Variants in MEP1B observed in about 807,000 individuals in gnomAD.
The protein encoded by MEP1B is meprin A subunit beta.
Under a neutral mutation model 84.6 loss-of-function variants are expected in MEP1B, and 80 were observed. The observed-to-expected ratio is 0.95, with a 90% CI of 0.79 to 1.14. MEP1B has a LOEUF of 1.14. MEP1B is among the 50% of genes most tolerant of loss of function. MEP1B has a pLI of 0.00. For missense variants in MEP1B, 766 were observed against 855.1 expected (o/e 0.90, Z 1.30); for synonymous variants, 273 against 288.1 (o/e 0.95, Z 0.53).
intron 9 of MEP1B, among the ~76,000 whole-genome samples, chr18:32,210,208 A>G (rs553894987): frequency 2.6e-5 from 4 of 152,316 alleles, no homozygotes; most frequent in African/African-American, 9.6e-5. Flanking sequence ...AACTTGCTTT[A>G]TCTTTATAGC....
At chr18:32,209,175 C>A (rs561435272) in intron 9 of MEP1B, among the ~76,000 whole-genome samples, 1 of 152,256 alleles carries the variant, frequency 6.6e-6, no homozygotes, top group African/African-American at 2.4e-5. Flanking sequence ...GGAAACTAAG[C>A]GAATACTTGA....
At chr18:32,210,891 G>C (rs1281021356) in intron 10 of MEP1B, among the ~76,000 whole-genome samples, 175 bp downstream of exon 10, 1 of 152,194 alleles carries the variant, frequency 6.6e-6, no homozygotes, top group Non-Finnish European at 1.5e-5. Context: ...GATTCTTTCT[G>C]AGTGCTCTGT....
Position 32,208,232 on chromosome 18 carries a change from G to A in MEP1B, c.880G>A (p.Gly294Arg). The A allele has an allele frequency of 6.2e-7, 1 of 1,613,852 alleles. No individual in the cohort carries two copies. ...GCAACGGGTTTCACAGGTTCCCAGG[G>A]GGCCAGAGAGTGATCACTCCAACAT... The part of the protein sequence containing the change: ...DWQRVSQVPR[G>R]PESDHSNMGQ... Residue 294 changes from glycine to arginine, a missense_variant, in exon 9 of 15, where the codon GGG becomes AGG. Coordinates refer to ENST00000269202, the MANE Select transcript of MEP1B (RefSeq NM_005925.3).
Position 32,207,358 on chromosome 18 carries a change from T to C in MEP1B, c.654T>C (p.Asn218=). ...VMHYSKTAFQ[N]GTEPTIVTRI... is the part of the protein sequence containing the mutation. ...ACTACAGTAAAACTGCATTCCAAAA[T>C]GGAACAGAGCCGACAATTGTCACAA... Residue 218 remains asparagine (N), a synonymous_variant, in exon 8 of 15, where the codon AAT becomes AAC. Coordinates refer to ENST00000269202, the MANE Select transcript of MEP1B (RefSeq NM_005925.3). 1.2e-6 allele frequency: 2 copies of C among 1,613,318 alleles called. No homozygotes were observed. The highest frequency in any genetic ancestry group is 1.7e-6 in the Non-Finnish European group (2 of 1,179,546).
chr18:32,195,286 A>G, intron 4 of MEP1B, 121 bp from the exon 5 acceptor site: 1 of 649,776 alleles, frequency 1.5e-6, no homozygotes, highest in Non-Finnish European at 2.8e-6. Context: ...ACACACACAC[A>G]CACAATTTGT....
chr18:32,209,357 C>T (rs949553011), intron 9 of MEP1B, among the ~76,000 whole-genome samples: 7 of 151,976 alleles, frequency 4.6e-5, no homozygotes, highest in Non-Finnish European at 1.5e-5. Flanking sequence ...TGTGGTGGTG[C>T]ATGTCTGTAG....
chr18:32,195,676 C>A (rs932545784), intron 5 of MEP1B, among the ~76,000 whole-genome samples, 191 bp downstream of exon 5: 3 of 152,010 alleles, frequency 2.0e-5, no homozygotes, highest in African/African-American at 7.2e-5. Context: ...ATGACTCTGT[C>A]TGAAATATTT....
chr18:32,192,808 A>G lies in MEP1B; in HGVS notation c.162A>G (p.Arg54=), dbSNP rs757192885. ...TGGATCTTTTTGAGGGTGACATCAG[A>G]CTTGATAGGGTGAGTTGAAACAGTA... The part of the protein sequence containing the change: ...LGLDLFEGDI[R]LDRAQIRNSI... The change falls in exon 4 of 15, where the codon AGA becomes AGG. Residue 54 remains arginine (R), a synonymous_variant. Transcript: ENST00000269202. The G allele has an allele frequency of 2.5e-6, 4 of 1,612,264 alleles. No individual in the cohort carries two copies. In the Admixed American group the frequency reaches 5.0e-5, roughly 20 times the overall value.
chr18:32,196,178 C>A lies in MEP1B; in HGVS notation c.250+693C>A. Reference sequence around the variant, plus strand: ...TTCTGGAGCTGGTGTCACTGCGCCACCTCGGCTTTCAGACTCTCCAAGTCT... The same window carrying A: ...TTCTGGAGCTGGTGTCACTGCGCCAACTCGGCTTTCAGACTCTCCAAGTCT... On this transcript the variant is annotated intron_variant, in intron 5 of 14. Coordinates refer to ENST00000269202, the MANE Select transcript of MEP1B (RefSeq NM_005925.3). The surrounding 1 kb of genome is among the most constrained non-coding windows in gnomAD (Gnocchi z 4.4). 1.6e-6 allele frequency: 1 copy of A among 638,662 alleles called. No individual in the cohort carries two copies. The highest frequency in any genetic ancestry group is 2.9e-6 in the Non-Finnish European group (1 of 339,582). The allele number at this position is 638,662 out of a possible 1,614,324, so 39.6% of individuals were successfully genotyped here.
In MEP1B at chr18:32,220,292, T is replaced by A; in HGVS notation, c.*47T>A. 1 of 1,581,060 alleles carries A rather than the reference T, an allele frequency of 6.3e-7. No homozygotes were observed. The highest frequency in any genetic ancestry group is 8.6e-7 in the Non-Finnish European group (1 of 1,156,438). On this transcript the variant is annotated 3_prime_UTR_variant, in exon 15 of 15. Coordinates refer to ENST00000269202, the MANE Select transcript of MEP1B (RefSeq NM_005925.3). The stretch of plus-strand genomic sequence containing the variant: ...CAGCTAATGAAATTAAAAAGGATTC[T>A]TCATCATGGATTTCGCCTAAGTGAT...
intron 5 of MEP1B, among the ~76,000 whole-genome samples, chr18:32,200,096 G>A (rs1326481562): frequency 6.6e-6 from 1 of 151,776 alleles, no homozygotes; most frequent in Non-Finnish European, 1.5e-5. Flanking sequence ...ACAACATAAT[G>A]AATGCCTTGA....
At chr18:32,198,299 A>G (rs16962803) in intron 5 of MEP1B, among the ~76,000 whole-genome samples, 18,596 of 152,194 alleles carry the variant, frequency 0.12, 1,800 homozygotes, top group African/African-American at 0.27. Context: ...TGACTGAGAG[A>G]AATGAATGAA....
At chr18:32,193,951 T>G (rs1490033702) in intron 4 of MEP1B, among the ~76,000 whole-genome samples, 7 of 152,148 alleles carry the variant, frequency 4.6e-5, no homozygotes, top group Non-Finnish European at 1.0e-4. Context: ...AGCACTAATT[T>G]GCCAGCTCCA....
Position 32,215,138 on chromosome 18 carries a change from T to C in MEP1B, c.1636T>C (p.Ser546Pro), listed in dbSNP as rs233223. The C allele has an allele frequency of 0.74, 1,186,437 of 1,604,994 alleles. 442,066 individuals are homozygous for C. Among genetic ancestry groups the C allele is most frequent in the East Asian group, 1 (44,722 of 44,834 alleles). Residue 546 changes from serine (S) to proline (P), a missense_variant, in exon 12 of 15, where the codon TCT becomes CCT. Transcript: ENST00000269202. ...TAAAGTGGGAACAGTGGCTTTGTTC[T>C]CTAATGGAACTCAGTTTAGAAGAGG... ...PSKVGTVALF[S>P]NGTQFRRGGG...
At position 32,210,495 on chromosome 18, in the gene MEP1B, T is replaced by A; in HGVS notation, c.920-6T>A. On this transcript the variant is annotated splice_polypyrimidine_tract_variant and splice_region_variant and intron_variant, in intron 9 of 14. Transcript: ENST00000269202. ...TTTTTCTCTCAATTCTGCTTTTCTT[T>A]AACAGGTTCTGGTTTCTTCATGCAT... 1 of 1,612,266 alleles carries A rather than the reference T, an allele frequency of 6.2e-7. No individual in the cohort carries two copies. Among genetic ancestry groups the A allele is most frequent in the Non-Finnish European group, 8.5e-7 (1 of 1,178,832 alleles).
chr18:32,193,301 A>C (rs1044344129), intron 4 of MEP1B, among the ~76,000 whole-genome samples: 1 of 152,202 alleles, frequency 6.6e-6, no homozygotes, highest in African/African-American at 2.4e-5. Flanking sequence ...GCTGATTCTC[A>C]TCTAAGTCAT....
intron 5 of MEP1B, among the ~76,000 whole-genome samples, chr18:32,198,089 A>T (rs551400362): frequency 2.0e-5 from 3 of 152,336 alleles, no homozygotes; most frequent in South Asian, 2.1e-4. Context: ...ATGATTAGTG[A>T]TGTGTTCAAA....
In MEP1B at chr18:32,191,007, A is replaced by G. The variant is rs537024815; in HGVS notation, c.64-815A>G. On this transcript the variant is annotated intron_variant, in intron 1 of 14. Transcript: ENST00000269202. The stretch of plus-strand genomic sequence containing the variant: ...TTGTGACAATTTATTATAGCTTACA[A>G]TGAGCCTTCTTTCACATTATATACT... 5.9e-5 allele frequency among the ~76,000 whole-genome samples: 9 copies of G among 152,234 alleles called. No individual in the cohort carries two copies. In the East Asian group the frequency reaches 1.2e-3, roughly 20 times the overall value.
Position 32,190,253 on chromosome 18 carries a change from T to C in MEP1B, c.63+120T>C, listed in dbSNP as rs554068093. 130 of 739,564 alleles carry C rather than the reference T, an allele frequency of 1.8e-4. No homozygotes were observed. In the East Asian group the frequency reaches 3.5e-3, roughly 20 times the overall value. The allele number at this position is 739,564 out of a possible 1,614,324, so 45.8% of individuals were successfully genotyped here. On this transcript the variant is annotated intron_variant, in intron 1 of 14. Coordinates refer to ENST00000269202, the MANE Select transcript of MEP1B (RefSeq NM_005925.3). Reference sequence around the variant, plus strand: ...TACATCTTGAAATGTTGATCTCAAATGAGTGTTTCTTCTTGGAGATTAGGG... The same window carrying C: ...TACATCTTGAAATGTTGATCTCAAACGAGTGTTTCTTCTTGGAGATTAGGG...
Sources: gnomAD v4.1 joint callset for allele counts (sites outside exome capture counted in the v4.1 genomes callset) on GRCh38, gnomAD v4.1.1 for gene constraint, Gnocchi (gnomAD v3.1) non-coding constraint, MANE v1.5 for transcripts, NCBI Gene and HGNC (gene_info 2026-07-23, HGNC 2026-07-21) for gene names.